The following TRDMT1 variants were observed in gnomAD, a reference collection of about 807,000 sequenced individuals.
TRDMT1 encodes the protein tRNA (cytosine(38)-C(5))-methyltransferase.
A neutral mutation model predicts 51.2 loss-of-function variants in TRDMT1; 49 were observed. The ratio of observed to expected loss-of-function variants is 0.96; its 90% CI spans 0.76 to 1.21. The LOEUF is 1.21. Among genes scored for constraint, TRDMT1 ranks in the 50% most tolerant of loss-of-function variants. The pLI, the probability that TRDMT1 is intolerant of heterozygous loss-of-function variation, is 0.00. For missense variants in TRDMT1, 534 were observed against 462.3 expected (o/e 1.16, Z -1.42); for synonymous variants, 187 against 164.6 (o/e 1.14, Z -1.04).
Position 17,157,670 on chromosome 10 carries a change from T to G in TRDMT1, c.658A>C (p.Ile220Leu), listed in dbSNP as rs1453794733. 3.1e-6 allele frequency: 5 copies of G among 1,613,438 alleles called. No homozygotes were observed. The highest frequency in any genetic ancestry group is 4.2e-6 in the Non-Finnish European group (5 of 1,179,642). ...ATGGCATCTTTTCCAGAACACTGTA[T>G]GCTGCCATCAAAGCTAATATTTGGT... is the stretch of plus-strand genomic sequence containing the variant. Reference protein sequence around the residue: ...VEPNISFDGSIQCSGKDAILF... With the variant: ...VEPNISFDGSLQCSGKDAILF... Residue 220 changes from isoleucine (I) to leucine (L), a missense_variant, in exon 8 of 11, where the codon ATA becomes CTA. By Grantham distance (5) the Ile-to-Leu change is conservative. Transcript: ENST00000377799.
chr10:17,160,832 C>G (rs534756872), intron 5 of TRDMT1, among the ~76,000 whole-genome samples: 2 of 152,254 alleles, frequency 1.3e-5, no homozygotes, highest in Non-Finnish European at 2.9e-5. Flanking sequence ...AATGACCCTA[C>G]GTTTTTACTA....
chr10:17,174,583 G>A lies in TRDMT1; in HGVS notation c.142C>T (p.Pro48Ser). The change falls in exon 2 of 11, where the codon CCT (proline) becomes TCT (serine). Residue 48 changes from proline to serine, a missense_variant. By Grantham distance (74) the Pro-to-Ser change is moderately conservative (BLOSUM62 -1). Coordinates refer to ENST00000377799, the MANE Select transcript of TRDMT1 (RefSeq NM_004412.7). The part of the protein sequence containing the change: ...VANEVYKYNF[P>S]HTQLLAKTIE... ...GTCTTGGCAAGTAACTGTGTGTGAG[G>A]AAAATTATACTTGTATACTTCATTA... The A allele has an allele frequency of 6.2e-7, 1 of 1,613,792 alleles. No homozygotes were observed. The highest frequency in any genetic ancestry group is 8.5e-7 in the Non-Finnish European group (1 of 1,179,818).
intron 2 of TRDMT1, chr10:17,171,619 C>G (rs535711569): frequency 6.6e-6 from 1 of 152,340 alleles, no homozygotes; most frequent in African/African-American, 2.4e-5. Context: ...CTGACAACAA[C>G]ACTGAATAAT....
intron 8 of TRDMT1, among the ~76,000 whole-genome samples, chr10:17,155,086 G>A (rs1430586757): frequency 2.0e-5 from 3 of 152,018 alleles, no homozygotes; most frequent in Admixed American, 6.6e-5. Flanking sequence ...TGAGCCAGGC[G>A]TGGTGGTGCG....
chr10:17,192,055 G>A (rs965195456), intron 1 of TRDMT1, among the ~76,000 whole-genome samples: 2 of 152,144 alleles, frequency 1.3e-5, no homozygotes, highest in Non-Finnish European at 2.9e-5. Flanking sequence ...AGGCAGGTGG[G>A]GCCAAGCAAA....
chr10:17,150,148 A>G (rs1838494699), intron 10 of TRDMT1, among the ~76,000 whole-genome samples: 1 of 152,090 alleles, frequency 6.6e-6, no homozygotes, highest in South Asian at 2.1e-4. Context: ...CAATACTGTT[A>G]TTGCTTGTCT....
In TRDMT1 at chr10:17,147,321, A is replaced by T; in HGVS notation, c.*1719T>A. On this transcript the variant is annotated 3_prime_UTR_variant, in exon 11 of 11. Coordinates refer to ENST00000377799, the MANE Select transcript of TRDMT1 (RefSeq NM_004412.7). Reference sequence around the variant, plus strand: ...AGTTTCTGTATATGGGCTGGCTTACAGCTTCCCTACATTCATATTTATCTA... The same window carrying T: ...AGTTTCTGTATATGGGCTGGCTTACTGCTTCCCTACATTCATATTTATCTA... 1.0e-6 allele frequency: 1 copy of T among 985,564 alleles called. No homozygotes were observed. Among genetic ancestry groups the T allele is most frequent in the Non-Finnish European group, 1.2e-6 (1 of 829,918 alleles). The allele number at this position is 985,564 out of a possible 1,614,324, so 61.1% of individuals were successfully genotyped here. A position where few individuals can be genotyped will look rare whatever the true frequency, so the allele number is the denominator to read the frequency against.
chr10:17,178,338 T>A (rs1248901256), intron 1 of TRDMT1, among the ~76,000 whole-genome samples: 1 of 152,186 alleles, frequency 6.6e-6, no homozygotes, highest in African/African-American at 2.4e-5. Flanking sequence ...CTGCCAAATG[T>A]TTTATCACTA....
Position 17,148,272 on chromosome 10 carries a change from C to T in TRDMT1, c.*768G>A, listed in dbSNP as rs1226387099. ...GGCAGCTTCCTCCCTGAAATCTTAA[C>T]GTCATGCTACATTCCTCAGCGTGCA... On this transcript the variant is annotated 3_prime_UTR_variant, in exon 11 of 11. Transcript: ENST00000377799. The T allele has an allele frequency of 1.2e-5, 12 of 985,290 alleles. No homozygotes were observed. In the South Asian group the frequency reaches 3.3e-4, roughly 27 times the overall value. The allele number at this position is 985,290 out of a possible 1,614,324, so 61.0% of individuals were successfully genotyped here.
In TRDMT1 at chr10:17,146,406, G is replaced by A; in HGVS notation, c.*2634C>T. 1.0e-6 allele frequency: 1 copy of A among 985,372 alleles called. No individual in the cohort carries two copies. Among genetic ancestry groups the A allele is most frequent in the East Asian group, 1.1e-4 (1 of 8,812 alleles). The allele number at this position is 985,372 out of a possible 1,614,324, so 61.0% of individuals were successfully genotyped here. ...ATGCCATCATTCCTCTTTCTTGCCT[G>A]CCACTGAGGATTGTCAGGCTCTGAC... On this transcript the variant is annotated 3_prime_UTR_variant, in exon 11 of 11. Transcript: ENST00000377799.
At position 17,143,701 on chromosome 10, in the gene TRDMT1, C is replaced by A. The variant is rs1837867479; in HGVS notation, c.*5339G>T. 1 of 985,320 alleles carries A rather than the reference C, an allele frequency of 1.0e-6. No homozygotes were observed. The highest frequency in any genetic ancestry group is 4.7e-5 in the South Asian group (1 of 21,278). The allele number at this position is 985,320 out of a possible 1,614,324, so 61.0% of individuals were successfully genotyped here. A position where few individuals can be genotyped will look rare whatever the true frequency, so the allele number is the denominator to read the frequency against. ...ATCTCAGTGACTTTTTATAAGTTTT[C>A]CTAAAAATAAATGATCGTTCAGAGG... is the stretch of plus-strand genomic sequence containing the variant. On this transcript the variant is annotated 3_prime_UTR_variant, in exon 11 of 11. Transcript: ENST00000377799.
chr10:17,180,075 C>T (rs1412755561), intron 1 of TRDMT1, among the ~76,000 whole-genome samples: 1 of 152,120 alleles, frequency 6.6e-6, no homozygotes, highest in Non-Finnish European at 1.5e-5. Context: ...CCATTATTGA[C>T]AAAGATCTTG....
intron 10 of TRDMT1, 37 bp downstream of exon 10, chr10:17,153,470 A>G (rs1293761582): frequency 1.2e-6 from 2 of 1,608,208 alleles, no homozygotes; most frequent in South Asian, 2.2e-5. Flanking sequence ...GAGAGTTTTA[A>G]TACATGAAAG....
At chr10:17,153,924 T>C (rs1439282494) in intron 9 of TRDMT1, among the ~76,000 whole-genome samples, 2 of 152,122 alleles carry the variant, frequency 1.3e-5, no homozygotes, top group Admixed American at 1.3e-4. Context: ...TAAATGACAA[T>C]ATAAAAGAAA....
At position 17,154,683 on chromosome 10, in the gene TRDMT1, A is replaced by T; in HGVS notation, c.939T>A (p.Asp313Glu). The T allele has an allele frequency of 6.2e-7, 1 of 1,600,112 alleles. No individual in the cohort carries two copies. Among genetic ancestry groups the T allele is most frequent in the Non-Finnish European group, 8.5e-7 (1 of 1,174,192 alleles). The change falls in exon 9 of 11, where the codon GAT becomes GAA. Residue 313 changes from aspartate (D) to glutamate (E), a missense_variant. Transcript: ENST00000377799. ...TTTAAAACATGCATAGTACCTGCAC[A>T]TCCTCTGCAGTCTGTAACACAGACC... is the stretch of plus-strand genomic sequence containing the variant. ...GTGSVLQTAE[D>E]VQVENIYKSL...
At position 17,168,847 on chromosome 10, in the gene TRDMT1, A is replaced by T. The variant is rs1388373524; in HGVS notation, c.245T>A (p.Phe82Tyr). ...AAATATTTATGACACATACCTTGTG[A>T]ATGGCTGGCAGGGAGGGCTCATTAA... The part of the protein sequence containing the change: ...MILMSPPCQP[F>Y]TRIGRQGDMT... The change falls in exon 3 of 11, where the codon TTC becomes TAC. Residue 82 changes from phenylalanine to tyrosine, a missense_variant. Coordinates refer to ENST00000377799, the MANE Select transcript of TRDMT1 (RefSeq NM_004412.7). 6.2e-7 allele frequency: 1 copy of T among 1,608,430 alleles called. No homozygotes were observed. The highest frequency in any genetic ancestry group is 1.7e-5 in the Admixed American group (1 of 59,754).
chr10:17,174,756 T>C (rs1432343525), intron 1 of TRDMT1, 96 bp from the exon 2 acceptor site: 1 of 963,498 alleles, frequency 1.0e-6, no homozygotes, highest in Non-Finnish European at 1.6e-6. Context: ...ATTTCCTTAT[T>C]TCTTCATTTA....
In TRDMT1 at chr10:17,169,990, C is replaced by G. The variant is rs1304057347; in HGVS notation, c.175-1073G>C. Among the ~76,000 whole-genome samples, 4 of 152,140 alleles carry G rather than the reference C, an allele frequency of 2.6e-5. No homozygotes were observed. In the South Asian group the frequency reaches 8.3e-4, roughly 32 times the overall value. On this transcript the variant is annotated intron_variant, in intron 2 of 10. Transcript: ENST00000377799. Reference sequence around the variant, plus strand: ...GGTATTAGCACATCACATTCAAGTTCAACAGCCTGTACATACAGGGCCATT... The same window carrying G: ...GGTATTAGCACATCACATTCAAGTTGAACAGCCTGTACATACAGGGCCATT...
chr10:17,180,062 C>T (rs1391036689), intron 1 of TRDMT1, among the ~76,000 whole-genome samples: 1 of 152,140 alleles, frequency 6.6e-6, no homozygotes, highest in Non-Finnish European at 1.5e-5. Context: ...CTTTTACTAC[C>T]TGCCATTATT....
Sources: gnomAD v4.1 joint callset for allele counts (sites outside exome capture counted in the v4.1 genomes callset) on GRCh38, gnomAD v4.1.1 for gene constraint, MANE v1.5 for transcripts, NCBI Gene and HGNC (gene_info 2026-07-23, HGNC 2026-07-21) for gene names.